ZNF385D: variants seen among roughly 807,000 people sequenced by gnomAD.
ZNF385D encodes the protein zinc finger protein 385D.
A neutral mutation model predicts 35.8 loss-of-function variants in ZNF385D; 15 were observed. The ratio of observed to expected loss-of-function variants is 0.42; its 90% confidence interval spans 0.28 to 0.64. The LOEUF (loss-of-function observed/expected upper bound fraction) is 0.64. Ranked by LOEUF, ZNF385D falls within the 30% of genes least tolerant of loss-of-function variation. The pLI is 0.23. For missense variants in ZNF385D, 474 were observed against 494.6 expected (o/e 0.96, Z 0.39); for synonymous variants, 212 against 186.8 (o/e 1.13, Z -1.10).
At chr3:21,933,126 T>C (rs555076379) in intron 3 of ZNF385D, among the ~76,000 whole-genome samples, 3 of 152,292 alleles carry the variant, frequency 2.0e-5, no homozygotes, top group South Asian at 2.1e-4. Flanking sequence ...GGACTTACAA[T>C]AGAAAAACTC....
intron 2 of ZNF385D, among the ~76,000 whole-genome samples, chr3:22,274,897 T>C (rs1014602869): frequency 3.3e-5 from 5 of 151,954 alleles, no homozygotes; most frequent in African/African-American, 1.2e-4. Context: ...ATAATCAAAG[T>C]TGAAAACATT....
chr3:22,368,926 G>A (rs757329595), intron 2 of ZNF385D, among the ~76,000 whole-genome samples: 4 of 152,138 alleles, frequency 2.6e-5, no homozygotes, highest in Admixed American at 1.3e-4. Flanking sequence ...ATGATCTCCC[G>A]TGTGTCATCT....
chr3:22,121,714 G>A, intron 3 of ZNF385D, among the ~76,000 whole-genome samples: 1 of 151,176 alleles, frequency 6.6e-6, no homozygotes. Context: ...AGAATTGCTG[G>A]GTAAACACAA....
intron 3 of ZNF385D, among the ~76,000 whole-genome samples, chr3:21,900,392 A>G (rs17010028): frequency 0.037 from 5,576 of 152,242 alleles, 350 homozygotes; most frequent in African/African-American, 0.13. Flanking sequence ...GCTTCAACAC[A>G]TGAGAAAAAC....
intron 3 of ZNF385D, among the ~76,000 whole-genome samples, chr3:22,033,790 G>A (rs917116720): frequency 1.3e-5 from 2 of 152,106 alleles, no homozygotes; most frequent in African/African-American, 4.8e-5. Flanking sequence ...ACTGTAGTAG[G>A]TTACACTGGA....
chr3:21,506,927 A>G (rs1027257009), intron 4 of ZNF385D, among the ~76,000 whole-genome samples: 2 of 149,786 alleles, frequency 1.3e-5, no homozygotes, highest in Admixed American at 6.7e-5. Flanking sequence ...ACTGAATACA[A>G]TTTTCTGCTC....
rs77456291 is a variant in ZNF385D at position 22,038,259 on chromosome 3, G to A, written c.325+130558C>T. 3.7e-3 allele frequency among the ~76,000 whole-genome samples: 559 copies of A among 152,276 alleles called. 8 individuals are homozygous for A. Among genetic ancestry groups the A allele is most frequent in the East Asian group, 0.033 (170 of 5,180 alleles). On this transcript the variant is annotated intron_variant, in intron 3 of 5. Coordinates refer to the ZNF385D transcript ENST00000494108. ...AACATTCAAGAAAGATAAAAATGTGGTAGAGATGGGCTCTTAAATTAACTG... is the reference window on the plus strand; with the variant it reads ...AACATTCAAGAAAGATAAAAATGTGATAGAGATGGGCTCTTAAATTAACTG...
intron 2 of ZNF385D, among the ~76,000 whole-genome samples, chr3:21,636,128 C>T (rs1374386760): frequency 6.6e-6 from 1 of 151,650 alleles, no homozygotes; most frequent in Non-Finnish European, 1.5e-5. Flanking sequence ...TTTAAGAAAC[C>T]TCCACACTGT....
intron 3 of ZNF385D, among the ~76,000 whole-genome samples, chr3:22,059,567 G>GTGGAAT (rs1310088563): frequency 6.6e-6 from 1 of 152,178 alleles, no homozygotes; most frequent in Non-Finnish European, 1.5e-5. Context: ...GTGGTGGTGA[G>GTGGAAT]TGGAATGTAT....
chr3:22,076,910 T>C (rs1463843569), intron 3 of ZNF385D, among the ~76,000 whole-genome samples: 1 of 151,852 alleles, frequency 6.6e-6, no homozygotes, highest in East Asian at 1.9e-4. Context: ...AATAGAACAA[T>C]GAACATGTGA....
intron 3 of ZNF385D, among the ~76,000 whole-genome samples, chr3:21,796,138 T>A (rs1376929337): frequency 6.6e-6 from 1 of 152,170 alleles, no homozygotes; most frequent in Non-Finnish European, 1.5e-5. Flanking sequence ...CTGGTAGATT[T>A]TCCTGTTTCC....
At chr3:22,047,217 A>C (rs1432099264) in intron 3 of ZNF385D, among the ~76,000 whole-genome samples, 1 of 152,132 alleles carries the variant, frequency 6.6e-6, no homozygotes, top group Non-Finnish European at 1.5e-5. Context: ...CATTAGTTTG[A>C]TCATGCATCA....
At chr3:22,028,249 G>T (rs911583704) in intron 3 of ZNF385D, among the ~76,000 whole-genome samples, 3 of 152,152 alleles carry the variant, frequency 2.0e-5, no homozygotes, top group Admixed American at 6.5e-5. Flanking sequence ...CAGCAGAAGA[G>T]AATTTTAATA....
At chr3:21,844,169 TACAGG>T (rs1223666987) in intron 3 of ZNF385D, among the ~76,000 whole-genome samples, 1 of 151,962 alleles carries the variant, frequency 6.6e-6, no homozygotes, top group Non-Finnish European at 1.5e-5. Flanking sequence ...AGGTAGACAG[TACAGG>T]ACAAGTAAGA....
intron 3 of ZNF385D, among the ~76,000 whole-genome samples, chr3:22,122,746 A>G (rs1703159945): frequency 6.6e-6 from 1 of 152,184 alleles, no homozygotes; most frequent in African/African-American, 2.4e-5. Context: ...AGACGGTGAC[A>G]TTCGAGTCAC....
At chr3:21,555,991 T>C (rs1273826319) in intron 3 of ZNF385D, among the ~76,000 whole-genome samples, 2 of 152,158 alleles carry the variant, frequency 1.3e-5, no homozygotes, top group Non-Finnish European at 2.9e-5. Flanking sequence ...TCCATGTTTG[T>C]TGGCTGCATA....
chr3:22,200,722 A>G lies in ZNF385D; in HGVS notation c.107-31687T>C, dbSNP rs115061047. Reference sequence around the variant, plus strand: ...TTCACCCCTACAGTCTACAGGCCATAAAAGATGGCCATGCCCGGGGGGACC... The same window carrying G: ...TTCACCCCTACAGTCTACAGGCCATGAAAGATGGCCATGCCCGGGGGGACC... On this transcript the variant is annotated intron_variant, in intron 2 of 5. Coordinates refer to the ZNF385D transcript ENST00000494108. Among the ~76,000 whole-genome samples the G allele has an allele frequency of 7.2e-3, 1,091 of 152,200 alleles. 8 individuals are homozygous for G. The highest frequency in any genetic ancestry group is 0.024 in the African/African-American group (1,013 of 41,544).
intron 2 of ZNF385D, among the ~76,000 whole-genome samples, chr3:22,256,230 C>CACGT (rs1261319487): frequency 3.7e-5 from 4 of 107,246 alleles, no homozygotes; most frequent in African/African-American, 2.3e-4. Flanking sequence ...CACACATATA[C>CACGT]ACATACATAT....
At chr3:21,683,189 G>C (rs2066971649) in intron 1 of ZNF385D, among the ~76,000 whole-genome samples, 1 of 149,800 alleles carries the variant, frequency 6.7e-6, no homozygotes, top group Admixed American at 6.7e-5. Flanking sequence ...TCCAGTTAAG[G>C]ATGTGTGTCT....
Sources: allele counts gnomAD v4.1 joint callset (sites outside exome capture counted in the v4.1 genomes callset), GRCh38; gene constraint gnomAD v4.1.1; transcripts MANE v1.5; gene names NCBI Gene and HGNC (gene_info 2026-07-23, HGNC 2026-07-21).